NFATC3: variants seen among roughly 807,000 people sequenced by gnomAD.
The protein encoded by NFATC3 is nuclear factor of activated T cells 3, also known as nuclear factor of activated T-cells, cytoplasmic 3.
NFATC3 carries 46 observed loss-of-function variants against 98.6 expected under a neutral mutation model. The observed-to-expected ratio is 0.47, with a 90% CI of 0.37 to 0.60. NFATC3 has a LOEUF of 0.60. Among genes scored for constraint, NFATC3 ranks in the 20% least tolerant of loss-of-function variants. The pLI is 0.00. For missense variants in NFATC3, 1,256 were observed against 1,295.5 expected (o/e 0.97, Z 0.47); for synonymous variants, 512 against 472.2 (o/e 1.08, Z -1.09).
intron 4 of NFATC3, 129 bp from the exon 5 acceptor site, chr16:68,166,714 A>G (rs1038413805): frequency 5.9e-5 from 41 of 690,772 alleles, no homozygotes; most frequent in Admixed American, 2.1e-4. Context: ...TAGCAATCAT[A>G]CATATCTTTC....
At chr16:68,170,193 C>T (rs908107797) in intron 5 of NFATC3, among the ~76,000 whole-genome samples, 1 of 151,964 alleles carries the variant, frequency 6.6e-6, no homozygotes, top group Non-Finnish European at 1.5e-5. Context: ...GAGATCGACA[C>T]CATCCTGGCC....
intron 1 of NFATC3, 117 bp from the exon 2 acceptor site, chr16:68,121,870 C>G: frequency 8.2e-7 from 1 of 1,217,648 alleles, no homozygotes; most frequent in South Asian, 1.6e-5. Context: ...CATTTTATAT[C>G]CCACTTTTTT....
At chr16:68,098,294 A>AT (rs1376071084) in intron 1 of NFATC3, among the ~76,000 whole-genome samples, 1,447 of 104,108 alleles carry the variant, frequency 0.014, 85 homozygotes, top group African/African-American at 0.049. Flanking sequence ...TATTATTATT[A>AT]TTATTATTTT....
intron 9 of NFATC3, chr16:68,214,473 G>A (rs761982290): frequency 6.4e-7 from 1 of 1,573,642 alleles, no homozygotes. Flanking sequence ...TTGTGCCCAA[G>A]TCTGGTATTT....
chr16:68,185,862 CAAAA>C (rs764335192), intron 8 of NFATC3, among the ~76,000 whole-genome samples: 14 of 49,356 alleles, frequency 2.8e-4, no homozygotes, highest in African/African-American at 7.9e-4. Flanking sequence ...GACTCCGTCT[CAAAA>C]AAAAAAAAAA....
intron 4 of NFATC3, among the ~76,000 whole-genome samples, chr16:68,158,932 C>G (rs2038750149): frequency 6.6e-6 from 1 of 152,188 alleles, no homozygotes; most frequent in Non-Finnish European, 1.5e-5. Context: ...CACATTGTCA[C>G]CTCAAATAAT....
At chr16:68,174,314 A>T (rs1598504860) in intron 5 of NFATC3, 60 bp from the exon 6 acceptor site, 2 of 1,265,310 alleles carry the variant, frequency 1.6e-6, no homozygotes. Flanking sequence ...TCATTTATGT[A>T]TCAAAGATTT....
chr16:68,180,237 T>G (rs8047161), intron 6 of NFATC3, among the ~76,000 whole-genome samples: 4,142 of 152,250 alleles, frequency 0.027, 180 homozygotes, highest in African/African-American at 0.093. Context: ...ATATAACAGC[T>G]TTTCAACATC....
rs148655661 is a variant in NFATC3, at chr16:68,153,279, G to A, written c.1402-4590G>A. Among the ~76,000 whole-genome samples, 398 of 152,132 alleles carry A rather than the reference G, an allele frequency of 2.6e-3. 3 individuals carry two copies. The highest frequency in any genetic ancestry group is 9.0e-3 in the African/African-American group (375 of 41,516). On this transcript the variant is annotated intron_variant, in intron 3 of 9. Coordinates refer to ENST00000346183, the MANE Select transcript of NFATC3 (RefSeq NM_173165.3). ...CTACTAAAAATGCAAAAATTTAGCC[G>A]GGGATGATGGTGCACACCTGTAGTC...
rs1464482984 is a variant in NFATC3 at position 68,094,315 on chromosome 16, C to T, written c.103+8531C>T. The stretch of plus-strand genomic sequence containing the variant: ...TAAAGTTTAAAGCGTTTAGATCTGT[C>T]GTCAAAATTGCCCTAAACCTGAATG... On this transcript the variant is annotated intron_variant, in intron 1 of 9. Transcript: ENST00000346183. Among the ~76,000 whole-genome samples, 3 of 151,680 alleles carry T rather than the reference C, an allele frequency of 2.0e-5. No homozygotes were observed. The East Asian group carries it at 5.8e-4, about 29-fold the overall frequency.
intron 1 of NFATC3, among the ~76,000 whole-genome samples, chr16:68,118,589 T>G (rs2036411807): frequency 1.3e-5 from 2 of 152,224 alleles, no homozygotes; most frequent in East Asian, 3.8e-4. Flanking sequence ...TGTGCCTCAG[T>G]TGCCTACTTT....
chr16:68,175,119 C>G (rs1026831074), intron 6 of NFATC3, among the ~76,000 whole-genome samples: 1 of 152,130 alleles, frequency 6.6e-6, no homozygotes, highest in Non-Finnish European at 1.5e-5. Context: ...CTCATACATG[C>G]TACAGCATGG....
chr16:68,123,188 A>G (rs1357866170), intron 2 of NFATC3, 67 bp downstream of exon 2: 8 of 1,480,996 alleles, frequency 5.4e-6, no homozygotes, highest in Non-Finnish European at 7.2e-6. Flanking sequence ...ATATAACTAC[A>G]TTATCAGTAT....
At chr16:68,216,407 C>T (rs1238524418) in intron 9 of NFATC3, among the ~76,000 whole-genome samples, 1 of 152,014 alleles carries the variant, frequency 6.6e-6, no homozygotes, top group African/African-American at 2.4e-5. Context: ...CTTTCAAGTA[C>T]CTGTGTACTG....
In NFATC3 at chr16:68,126,747, T is replaced by C. The variant is rs758902096; in HGVS notation, c.1401+137T>C. ...AGCCTCTGTTGTTTTGGGGGCTTGT[T>C]GATGTGACTACACTTGTGCATTGAG... On this transcript the variant is annotated intron_variant, in intron 3 of 9. Coordinates refer to ENST00000346183, the MANE Select transcript of NFATC3 (RefSeq NM_173165.3). 5.6e-6 allele frequency: 4 copies of C among 710,766 alleles called. No homozygotes were observed. In the South Asian group the frequency reaches 1.1e-4, roughly 19 times the overall value. The allele number at this position is 710,766 out of a possible 1,614,324, so 44.0% of individuals were successfully genotyped here.
chr16:68,196,243 C>T (rs2040664087), intron 9 of NFATC3, among the ~76,000 whole-genome samples: 1 of 152,084 alleles, frequency 6.6e-6, no homozygotes, highest in African/African-American at 2.4e-5. Context: ...CCTCAGCCCC[C>T]CGAGTAGCTG....
At chr16:68,095,008 C>G (rs2034934237) in intron 1 of NFATC3, among the ~76,000 whole-genome samples, 1 of 152,088 alleles carries the variant, frequency 6.6e-6, no homozygotes, top group African/African-American at 2.4e-5. Context: ...CTTAGCCAAC[C>G]AGACCTATGC....
At chr16:68,225,115 G>C (rs1049034832) in intron 9 of NFATC3, 2 of 152,118 alleles carry the variant, frequency 1.3e-5, no homozygotes, top group African/African-American at 4.8e-5. Context: ...ACCATGCCTG[G>C]CTAATTTTGT....
intron 7 of NFATC3, among the ~76,000 whole-genome samples, chr16:68,182,949 C>A (rs1454218638): frequency 6.6e-6 from 1 of 152,160 alleles, no homozygotes; most frequent in Non-Finnish European, 1.5e-5. Flanking sequence ...ATGTAATATT[C>A]AGTAGAGTAA....
Sources: gnomAD v4.1 joint callset for allele counts (sites outside exome capture counted in the v4.1 genomes callset) on GRCh38, gnomAD v4.1.1 for gene constraint, MANE v1.5 for transcripts, NCBI Gene and HGNC (gene_info 2026-07-23, HGNC 2026-07-21) for gene names.